ECPAS: variants seen among roughly 807,000 people sequenced by gnomAD.
ECPAS encodes the protein Ecm29 proteasome adaptor and scaffold.
ECPAS carries 70 observed loss-of-function variants against 255.1 expected under a neutral mutation model. The ratio of observed to expected loss-of-function variants is 0.27; its 90% CI spans 0.23 to 0.33. The LOEUF is 0.33. ECPAS is among the 10% of genes least tolerant of loss of function. The probability of loss-of-function intolerance (pLI) is 1.00; values close to 1 mark genes in which losing one functional copy is unlikely to be tolerated. For missense variants in ECPAS, 1,817 were observed against 2,206.4 expected (o/e 0.82, Z 3.54); for synonymous variants, 784 against 775.0 (o/e 1.01, Z -0.19).
At chr9:111,462,466 T>C (rs2098274301) in intron 2 of ECPAS, among the ~76,000 whole-genome samples, 1 of 152,178 alleles carries the variant, frequency 6.6e-6, no homozygotes, top group South Asian at 2.1e-4. Flanking sequence ...CTGTCAGTAT[T>C]CACAGATTAC....
chr9:111,472,968 A>C lies in ECPAS; in HGVS notation c.-50T>G. 1.6e-6 allele frequency: 2 copies of C among 1,220,266 alleles called. No homozygotes were observed. The highest frequency in any genetic ancestry group is 2.1e-6 in the Non-Finnish European group (2 of 955,018). 75.6% of individuals were successfully genotyped at this position (1,220,266 alleles called of 1,614,324 possible). A position where few individuals can be genotyped will look rare whatever the true frequency, so the allele number is the denominator to read the frequency against. On this transcript the variant is annotated 5_prime_UTR_variant, in exon 2 of 50. The change abolishes an upstream ATG in the 5' untranslated region. Transcript: ENST00000684092. ...CCTCGGGATCACCAATGGTACGTTCATCCACTCGTACATATGCAATTGTAT... is the reference window on the plus strand; with the variant it reads ...CCTCGGGATCACCAATGGTACGTTCCTCCACTCGTACATATGCAATTGTAT...
rs764027132 is a variant in ECPAS at position 111,430,589 on chromosome 9, C to T, written c.888G>A (p.Met296Ile). The T allele has an allele frequency of 1.9e-6, 3 of 1,599,972 alleles. No homozygotes were observed. Among genetic ancestry groups the T allele is most frequent in the African/African-American group, 2.7e-5 (2 of 74,764 alleles). The part of the protein sequence containing the change: ...DWNNPAIINK[M>I]YKVYLGDIPL... ...GTATATCTCCAAGGTACACCTTGTA[C>T]ATCTTATTAATGATGGCAGGATTAT... Residue 296 changes from methionine (M) to isoleucine (I), a missense_variant, in exon 9 of 50, where the codon ATG (methionine) becomes ATA (isoleucine). Met to Ile is a conservative substitution (Grantham distance 10). Around this residue, in one of 4 missense-constraint regions of ECPAS, gnomAD observed 573 missense variants for 716.2 expected, o/e 0.80. Coordinates refer to ENST00000684092, the MANE Select transcript of ECPAS (RefSeq NM_001364929.1).
chr9:111,472,190 G>A (rs2098289278), intron 2 of ECPAS, among the ~76,000 whole-genome samples: 1 of 150,934 alleles, frequency 6.6e-6, no homozygotes, highest in Admixed American at 6.6e-5. Context: ...CAAGGTGGCA[G>A]TTAGCCATGA....
At chr9:111,431,601 C>G (rs2098230140) in intron 8 of ECPAS, among the ~76,000 whole-genome samples, 1 of 151,872 alleles carries the variant, frequency 6.6e-6, no homozygotes, top group Non-Finnish European at 1.5e-5. Flanking sequence ...TCGTTCCCAC[C>G]CTCTGCAGCA....
At chr9:111,419,944 A>C in intron 16 of ECPAS, 73 bp downstream of exon 16, 1 of 1,122,684 alleles carries the variant, frequency 8.9e-7, no homozygotes, top group Non-Finnish European at 1.3e-6. Flanking sequence ...CATTGTAAAC[A>C]ATACAACTTT....
intron 2 of ECPAS, among the ~76,000 whole-genome samples, chr9:111,456,480 G>A (rs7857003): frequency 0.5 from 75,580 of 152,014 alleles, 19,183 homozygotes; most frequent in African/African-American, 0.58. Context: ...TACACATACT[G>A]TACATACTAC....
intron 15 of ECPAS, among the ~76,000 whole-genome samples, chr9:111,421,409 ATGTGTGTGTG>A (rs71372622): frequency 0.029 from 4,173 of 143,412 alleles, 206 homozygotes; most frequent in African/African-American, 0.1. Context: ...TATTACATAT[ATGTGTGTGTG>A]TGTGTGTGTG....
chr9:111,405,192 C>T (rs1356179237), intron 24 of ECPAS, among the ~76,000 whole-genome samples: 1 of 149,656 alleles, frequency 6.7e-6, no homozygotes, highest in Non-Finnish European at 1.5e-5. Context: ...AGCAAAACAG[C>T]ATGAAACTGG....
chr9:111,413,914 T>C lies in ECPAS; in HGVS notation c.2060A>G (p.Asp687Gly). 6.3e-7 allele frequency: 1 copy of C among 1,580,076 alleles called. No homozygotes were observed. ...ACATACCTTTATCCATTCTGTTTTG[T>C]CTACAAATTTGGTAGCCAGCTTTTC... is the stretch of plus-strand genomic sequence containing the variant. ...YPEKLATKFV[D>G]KTEWIKSLMN... The change falls in exon 20 of 50, where the codon GAC (aspartate) becomes GGC (glycine). Residue 687 changes from aspartate to glycine, a missense_variant. By Grantham distance (94) the Asp-to-Gly change is moderately conservative. This residue lies in a region of ECPAS where 573 missense variants were observed against 716.2 expected (regional missense o/e 0.80). Coordinates refer to ENST00000684092, the MANE Select transcript of ECPAS (RefSeq NM_001364929.1).
At chr9:111,406,278 A>C (rs2098183774) in intron 24 of ECPAS, among the ~76,000 whole-genome samples, 1 of 149,780 alleles carries the variant, frequency 6.7e-6, no homozygotes, top group Non-Finnish European at 1.5e-5. Context: ...GCACAGAGCA[A>C]ATATCCTATG....
At chr9:111,452,770 G>A (rs1051107269) in intron 2 of ECPAS, among the ~76,000 whole-genome samples, 1 of 152,174 alleles carries the variant, frequency 6.6e-6, no homozygotes, top group Non-Finnish European at 1.5e-5. Context: ...AATCCTGAGA[G>A]GGGCAGAAGC....
intron 17 of ECPAS, among the ~76,000 whole-genome samples, chr9:111,416,681 G>C (rs1018360677): frequency 2.6e-5 from 4 of 152,144 alleles, no homozygotes; most frequent in African/African-American, 9.7e-5. Flanking sequence ...TACAAGCAGA[G>C]AATCTTCTGA....
rs556216352 is a variant in ECPAS at position 111,396,147 on chromosome 9, TGA to T, written c.2776+881_2776+882del. ...AATACTCTCTTTTAATTTCCTCACT[TGA>T]GAGGATAAAATATAAAAATGTGGTG... On this transcript the variant is annotated intron_variant, in intron 25 of 49. Transcript: ENST00000684092. Among the ~76,000 whole-genome samples, 10 of 152,354 alleles carry T rather than the reference TGA, an allele frequency of 6.6e-5. No homozygotes were observed. In the South Asian group the frequency reaches 2.1e-3, roughly 32 times the overall value.
rs376468367 is a variant in ECPAS, at chr9:111,411,191, G to A, written c.2215-49C>T. The A allele has an allele frequency of 5.0e-4, 785 of 1,570,114 alleles. 2 individuals are homozygous for A. The Middle Eastern group carries it at 9.1e-3, about 18-fold the overall frequency. The stretch of plus-strand genomic sequence containing the variant: ...ATATCTCTGGCTCTCTCTCATATAC[G>A]CAAGAATACATGGCAGTAACTGTGT... On this transcript the variant is annotated intron_variant, in intron 21 of 49. Coordinates refer to ENST00000684092, the MANE Select transcript of ECPAS (RefSeq NM_001364929.1).
At chr9:111,436,802 A>G (rs2098238838) in intron 7 of ECPAS, 138 bp downstream of exon 7, 1 of 730,996 alleles carries the variant, frequency 1.4e-6, no homozygotes, top group African/African-American at 1.8e-5. Flanking sequence ...AAAAGAACAC[A>G]TTACATCAAC....
chr9:111,432,854 A>T (rs1166527385), intron 8 of ECPAS, among the ~76,000 whole-genome samples: 1 of 152,342 alleles, frequency 6.6e-6, no homozygotes, highest in East Asian at 1.9e-4. Context: ...TCACTGTATT[A>T]ACCATAATAC....
chr9:111,480,072 T>A (rs1330649920), intron 1 of ECPAS, among the ~76,000 whole-genome samples: 1 of 152,052 alleles, frequency 6.6e-6, no homozygotes, highest in East Asian at 1.9e-4. Flanking sequence ...ATGATAAAGT[T>A]ATTTGACTAT....
intron 21 of ECPAS, chr9:111,411,714 G>A (rs998568655): frequency 1.2e-5 from 3 of 257,328 alleles, no homozygotes; most frequent in Non-Finnish European, 7.3e-6. Flanking sequence ...GATGAGATTA[G>A]GTGTGTTCAC....
In ECPAS at chr9:111,433,346, T is replaced by C. The variant is rs943518429; in HGVS notation, c.735A>G (p.Ile245Met). 1.9e-6 allele frequency: 3 copies of C among 1,613,864 alleles called. No homozygotes were observed. Among genetic ancestry groups the C allele is most frequent in the South Asian group, 2.2e-5 (2 of 91,080 alleles). The change falls in exon 8 of 50, where the codon ATA (isoleucine) becomes ATG (methionine). Residue 245 changes from isoleucine to methionine, a missense_variant. Around this residue, in one of 4 missense-constraint regions of ECPAS, gnomAD observed 573 missense variants for 716.2 expected, o/e 0.80. Coordinates refer to ENST00000684092, the MANE Select transcript of ECPAS (RefSeq NM_001364929.1). Reference protein sequence around the residue: ...EQCKLGIVKFIEAEQVPELEA... With the variant: ...EQCKLGIVKFMEAEQVPELEA... ...CAAGTTCAGGCACCTGTTCAGCTTC[T>C]ATGAATTTCACGATTCCCAATTTGC...
Sources: allele counts gnomAD v4.1 joint callset (sites outside exome capture counted in the v4.1 genomes callset), GRCh38; gene constraint gnomAD v4.1.1; regional missense constraint gnomAD v4.1.1; transcripts MANE v1.5; gene names NCBI Gene and HGNC (gene_info 2026-07-23, HGNC 2026-07-21).